RFX4: variants seen among roughly 807,000 people sequenced by gnomAD.
RFX4 encodes transcription factor RFX4.
A neutral mutation model predicts 95.0 loss-of-function variants in RFX4; 10 were observed. The ratio of observed to expected loss-of-function variants is 0.11; its 90% CI spans 0.06 to 0.18. The LOEUF is 0.18. Among genes scored for constraint, RFX4 ranks in the 10% least tolerant of loss-of-function variants. The pLI is 1.00. For missense variants in RFX4, 640 were observed against 922.0 expected, an observed-to-expected ratio of 0.69 and a Z score of 3.96; for synonymous variants, 321 against 340.7, an observed-to-expected ratio of 0.94 and a Z score of 0.64.
chr12:106,603,241 G>T (rs554986917), intron 1 of RFX4, among the ~76,000 whole-genome samples: 4 of 152,316 alleles, frequency 2.6e-5, no homozygotes, highest in East Asian at 1.9e-4. Context: ...TCTGAACCTT[G>T]AACTGCCTTG....
intron 2 of RFX4, among the ~76,000 whole-genome samples, chr12:106,620,007 T>A (rs1031775136): frequency 6.6e-6 from 1 of 152,242 alleles, no homozygotes; most frequent in Non-Finnish European, 1.5e-5. Flanking sequence ...AATTTGCCCA[T>A]ATTTTTCTCT....
intron 1 of RFX4, among the ~76,000 whole-genome samples, chr12:106,607,932 C>T (rs1487031747): frequency 1.3e-5 from 2 of 152,156 alleles, no homozygotes; most frequent in Non-Finnish European, 2.9e-5. Flanking sequence ...ATGGCTCACG[C>T]TTGTAATCCC....
intron 3 of RFX4, among the ~76,000 whole-genome samples, chr12:106,647,069 C>G (rs531253613): frequency 6.6e-6 from 1 of 152,282 alleles, no homozygotes; most frequent in African/African-American, 2.4e-5. Context: ...GTTTTCTATT[C>G]ATTTGCTGTC....
In RFX4 at chr12:106,583,196, C is replaced by A; in HGVS notation, c.-125C>A. The A allele has an allele frequency of 1.2e-6, 1 of 869,482 alleles. No individual in the cohort carries two copies. The highest frequency in any genetic ancestry group is 1.7e-6 in the Non-Finnish European group (1 of 584,522). The allele number at this position is 869,482 out of a possible 1,614,324, so 53.9% of individuals were successfully genotyped here. A position where few individuals can be genotyped will look rare whatever the true frequency, so the allele number is the denominator to read the frequency against. On this transcript the variant is annotated 5_prime_UTR_variant, in exon 1 of 18. Transcript: ENST00000392842. ...CCTCCTTTATCCTTGTGCCCCCTCA[C>A]TTTCTGCGTCTCTCTCTCTCCCCTT...
chr12:106,715,686 A>C lies in RFX4; in HGVS notation c.1138+142A>C, dbSNP rs1386407275. 9.5e-6 allele frequency: 9 copies of C among 942,442 alleles called. No individual in the cohort carries two copies. In the Admixed American group the frequency reaches 2.4e-4, roughly 25 times the overall value. 58.4% of individuals were successfully genotyped at this position (942,442 alleles called of 1,614,324 possible). A position where few individuals can be genotyped will look rare whatever the true frequency, so the allele number is the denominator to read the frequency against. On this transcript the variant is annotated intron_variant, in intron 11 of 17. Transcript: ENST00000392842. Reference sequence around the variant, plus strand: ...TTATTGTTCCTTATTGTTCCTTTTAAATGAGTCAGTCCAGAAGGAAGGGCT... The same window carrying C: ...TTATTGTTCCTTATTGTTCCTTTTACATGAGTCAGTCCAGAAGGAAGGGCT...
intron 11 of RFX4, among the ~76,000 whole-genome samples, chr12:106,716,718 A>T (rs2137517303): frequency 6.6e-6 from 1 of 152,282 alleles, no homozygotes; most frequent in South Asian, 2.1e-4. Context: ...CATCACTAAA[A>T]TAATAATTCA....
In RFX4 at chr12:106,639,287, T is replaced by A. The variant is rs767463282; in HGVS notation, c.131-45T>A. ...AGTCGAGAGGACTTTTACTTTTTCCTACTGTTTCCTACTGAAGTTAGCTTC... is the reference window on the plus strand; with the variant it reads ...AGTCGAGAGGACTTTTACTTTTTCCAACTGTTTCCTACTGAAGTTAGCTTC... On this transcript the variant is annotated intron_variant, in intron 2 of 17. Transcript: ENST00000392842. 3.2e-6 allele frequency: 5 copies of A among 1,546,222 alleles called. No homozygotes were observed. In the South Asian group the frequency reaches 5.8e-5, roughly 18 times the overall value.
At chr12:106,680,876 A>G (rs11539715) in intron 4 of RFX4, 1 of 152,216 alleles carries the variant, frequency 6.6e-6, no homozygotes, top group African/African-American at 2.4e-5. Flanking sequence ...TATCATTCCT[A>G]TTTTACAAAT....
chr12:106,593,063 C>T (rs1307983412), intron 1 of RFX4, among the ~76,000 whole-genome samples: 2 of 152,188 alleles, frequency 1.3e-5, no homozygotes, highest in Non-Finnish European at 2.9e-5. Context: ...GGCAGGAATA[C>T]TTCAAAAGAT....
rs146212916 is a variant in RFX4 at position 106,694,611 on chromosome 12, A to T, written c.670-1672A>T. Among the ~76,000 whole-genome samples, 164 of 152,316 alleles carry T rather than the reference A, an allele frequency of 1.1e-3. 2 individuals carry two copies. Among genetic ancestry groups the T allele is most frequent in the East Asian group, 6.2e-3 (32 of 5,186 alleles). ...CAGACATAGGCTCTATCTCAGCCAT[A>T]CCCTGACTGGCTGTCTGGCTTTGGA... On this transcript the variant is annotated intron_variant, in intron 7 of 17. Coordinates refer to ENST00000392842, the MANE Select transcript of RFX4 (RefSeq NM_213594.3).
At chr12:106,636,322 G>A (rs1292655272) in intron 2 of RFX4, among the ~76,000 whole-genome samples, 1 of 151,026 alleles carries the variant, frequency 6.6e-6, no homozygotes, top group Non-Finnish European at 1.5e-5. Context: ...CCTGGGAGGT[G>A]GATGTTGCAG....
rs147604724 is a variant in RFX4, at chr12:106,617,793, C to T, written c.130+8910C>T. Among the ~76,000 whole-genome samples the T allele has an allele frequency of 1.8e-3, 280 of 152,282 alleles. 3 individuals carry two copies. Among genetic ancestry groups the T allele is most frequent in the African/African-American group, 6.2e-3 (259 of 41,560 alleles). ...ACAGGCTGGAGTGCAGTGGTGCAAT[C>T]TCAGCTCACTGTAGCCTCTGCCTCC... On this transcript the variant is annotated intron_variant, in intron 2 of 17. Coordinates refer to ENST00000392842, the MANE Select transcript of RFX4 (RefSeq NM_213594.3).
chr12:106,583,228 C>G lies in RFX4; in HGVS notation c.-93C>G. On this transcript the variant is annotated 5_prime_UTR_variant, in exon 1 of 18. Coordinates refer to ENST00000392842, the MANE Select transcript of RFX4 (RefSeq NM_213594.3). ...CGTCTCTCTCTCTCCCCTTCTCCCT[C>G]CCTCCCTCCCTTCCTCCCTGGGCAT... is the stretch of plus-strand genomic sequence containing the variant. 1.9e-6 allele frequency: 1 copy of G among 523,304 alleles called. No individual in the cohort carries two copies. The allele number at this position is 523,304 out of a possible 1,614,324, so 32.4% of individuals were successfully genotyped here.
intron 17 of RFX4, among the ~76,000 whole-genome samples, chr12:106,754,902 G>A (rs558406148): frequency 1.6e-4 from 25 of 152,318 alleles, no homozygotes; most frequent in African/African-American, 5.8e-4. Flanking sequence ...TCTGTAAAAT[G>A]GGGTGGGAAG....
intron 15 of RFX4, among the ~76,000 whole-genome samples, chr12:106,741,855 A>G (rs1385812068): frequency 5.1e-4 from 77 of 152,214 alleles, no homozygotes; most frequent in Non-Finnish European, 4.4e-5. Context: ...ATCATCAGGC[A>G]TAGACTCTCA....
intron 17 of RFX4, among the ~76,000 whole-genome samples, chr12:106,751,175 G>A (rs1359692803): frequency 6.6e-6 from 1 of 151,128 alleles, no homozygotes; most frequent in Non-Finnish European, 1.5e-5. Context: ...CTATGAGTGA[G>A]AACATGCAGT....
At chr12:106,611,000 A>G (rs1470595079) in intron 2 of RFX4, among the ~76,000 whole-genome samples, 9 of 151,996 alleles carry the variant, frequency 5.9e-5, no homozygotes, top group Admixed American at 1.3e-4. Flanking sequence ...TTTTTTTTTA[A>G]TAATAGCCAT....
chr12:106,638,833 A>T lies in RFX4; in HGVS notation c.131-499A>T, dbSNP rs142097958. 2.3e-3 allele frequency among the ~76,000 whole-genome samples: 344 copies of T among 152,282 alleles called. 3 individuals are homozygous for T. Among genetic ancestry groups the T allele is most frequent in the African/African-American group, 7.7e-3 (318 of 41,566 alleles). ...GGGGGAGCTCTCTGGGGTCTCTTTCATAAAGACACTAATTTCATTCATAAG... is the reference window on the plus strand; with the variant it reads ...GGGGGAGCTCTCTGGGGTCTCTTTCTTAAAGACACTAATTTCATTCATAAG... On this transcript the variant is annotated intron_variant, in intron 2 of 17. Coordinates refer to ENST00000392842, the MANE Select transcript of RFX4 (RefSeq NM_213594.3).
intron 15 of RFX4, among the ~76,000 whole-genome samples, chr12:106,735,044 T>TA (rs36013040): frequency 0.04 from 4,497 of 113,342 alleles, 265 homozygotes; most frequent in African/African-American, 0.13. Context: ...ATAGCCTGTT[T>TA]AAAAAAAAAA....
Sources: allele counts gnomAD v4.1 joint callset (sites outside exome capture counted in the v4.1 genomes callset), GRCh38; gene constraint gnomAD v4.1.1; transcripts MANE v1.5; gene names NCBI Gene and HGNC (gene_info 2026-07-23, HGNC 2026-07-21).